Variants in DAB2IP observed in about 807,000 individuals in gnomAD.
DAB2IP encodes the protein disabled homolog 2-interacting protein.
Under a neutral mutation model 107.2 loss-of-function variants are expected in DAB2IP, and 28 were observed. The ratio of observed to expected loss-of-function variants is 0.26; its 90% CI spans 0.19 to 0.36. The LOEUF is 0.36. Among genes scored for constraint, DAB2IP ranks in the 10% least tolerant of loss-of-function variants. DAB2IP has a pLI of 1.00. For missense variants in DAB2IP, 1,400 were observed against 1,644.7 expected, an observed-to-expected ratio of 0.85 and a Z score of 2.57; for synonymous variants, 755 against 706.4, an observed-to-expected ratio of 1.07 and a Z score of -1.09.
At chr9:121,658,532 C>T (rs951072367) in intron 1 of DAB2IP, among the ~76,000 whole-genome samples, 5 of 152,092 alleles carry the variant, frequency 3.3e-5, no homozygotes, top group Non-Finnish European at 5.9e-5. Context: ...GGCATTTCAG[C>T]GTTTGTTCAA....
intron 1 of DAB2IP, among the ~76,000 whole-genome samples, chr9:121,655,200 C>T (rs940355934): frequency 6.6e-6 from 1 of 152,092 alleles, no homozygotes; most frequent in Non-Finnish European, 1.5e-5. Context: ...TGCATTTTCC[C>T]ACTGTGTCCC....
rs1230883967 is a variant in DAB2IP, at chr9:121,600,950, T to C, written c.40+33722T>C. On this transcript the variant is annotated intron_variant, in intron 1 of 16. Coordinates refer to the DAB2IP transcript ENST00000259371. ...CTCTTGCTGTCTGAGAGAGCCAGCA[T>C]CCTTGTGCCTCAGTTTCCTCTCCCC... 4.6e-5 allele frequency among the ~76,000 whole-genome samples: 7 copies of C among 152,174 alleles called. No homozygotes were observed. In the East Asian group the frequency reaches 1.4e-3, roughly 29 times the overall value.
rs1338550411 is a variant in DAB2IP, at chr9:121,599,117, C to T, written c.40+31889C>T. 6.6e-6 allele frequency among the ~76,000 whole-genome samples: 1 copy of T among 152,170 alleles called. No homozygotes were observed. The highest frequency in any genetic ancestry group is 6.5e-5 in the Admixed American group (1 of 15,280). On this transcript the variant is annotated intron_variant, in intron 1 of 16. Coordinates refer to the DAB2IP transcript ENST00000259371. This position sits in a 1 kb window ranked among gnomAD's most constrained non-coding sequence, Gnocchi z 6.9. ...GGGCGCACATAAAAGTTTAAGGGGT[C>T]AGCGGATGCGGGAAGATTCTAGCGG... is the stretch of plus-strand genomic sequence containing the variant.
At chr9:121,629,666 C>T (rs1831801126) in intron 1 of DAB2IP, among the ~76,000 whole-genome samples, 1 of 152,250 alleles carries the variant, frequency 6.6e-6, no homozygotes, top group African/African-American at 2.4e-5. Context: ...GGGAGTCATT[C>T]CCTGGAGGCT....
At chr9:121,694,124 G>C (rs1375901632) in intron 2 of DAB2IP, among the ~76,000 whole-genome samples, 1 of 152,132 alleles carries the variant, frequency 6.6e-6, no homozygotes, top group Non-Finnish European at 1.5e-5. Context: ...TCCCGCCTTG[G>C]CTTTGGTCCT....
chr9:121,770,748 G>A, intron 11 of DAB2IP, 24 bp downstream of exon 11: 1 of 1,611,176 alleles, frequency 6.2e-7, no homozygotes. Context: ...GCCATGTTGG[G>A]TGTGGTGGGT....
chr9:121,642,034 T>C lies in DAB2IP; in HGVS notation c.41-36644T>C, dbSNP rs1263386673. 9.5e-3 allele frequency among the ~76,000 whole-genome samples: 212 copies of C among 22,200 alleles called. 2 individuals are homozygous for C. Among genetic ancestry groups the C allele is most frequent in the African/African-American group, 0.036 (202 of 5,606 alleles). The allele number at this position is 22,200 out of a possible 152,430, so 14.6% of individuals were successfully genotyped here. A position where few individuals can be genotyped will look rare whatever the true frequency, so the allele number is the denominator to read the frequency against. ...CTCTCTCTCTCTCTCTCTCTCTCTTTCTTTCTTTCTTTCTTTCTTTCTTTC... is the reference window on the plus strand; with the variant it reads ...CTCTCTCTCTCTCTCTCTCTCTCTTCCTTTCTTTCTTTCTTTCTTTCTTTC... On this transcript the variant is annotated intron_variant, in intron 1 of 16. Coordinates refer to the DAB2IP transcript ENST00000259371.
At chr9:121,641,768 C>A (rs1832292760) in intron 1 of DAB2IP, among the ~76,000 whole-genome samples, 1 of 71,544 alleles carries the variant, frequency 1.4e-5, no homozygotes, top group South Asian at 8.2e-4. Flanking sequence ...CACAGCCAGC[C>A]TGCCTGCCTG....
intron 1 of DAB2IP, among the ~76,000 whole-genome samples, chr9:121,624,695 G>A (rs1808181033): frequency 6.6e-6 from 1 of 152,200 alleles, no homozygotes; most frequent in African/African-American, 2.4e-5. Flanking sequence ...TAGGCGTGCA[G>A]TAGGCTACAC....
At chr9:121,660,004 G>A (rs530262654) in intron 1 of DAB2IP, among the ~76,000 whole-genome samples, 89 of 151,994 alleles carry the variant, frequency 5.9e-4, no homozygotes, top group African/African-American at 2.1e-3. Flanking sequence ...CCCCGCCCTC[G>A]GGAGCTCAGA....
chr9:121,770,425 A>G, intron 10 of DAB2IP, 121 bp from the exon 11 acceptor site: 1 of 1,090,530 alleles, frequency 9.2e-7, no homozygotes, highest in Non-Finnish European at 1.3e-6. Flanking sequence ...GACTGGCAGC[A>G]GGTGGGGATC....
At chr9:121,759,088 G>T in intron 5 of DAB2IP, 92 bp downstream of exon 5, 1 of 1,322,862 alleles carries the variant, frequency 7.6e-7, no homozygotes, top group African/African-American at 1.4e-5. Flanking sequence ...GGTGTGGGCT[G>T]GGATTGGGGG....
intron 10 of DAB2IP, among the ~76,000 whole-genome samples, chr9:121,770,133 G>C (rs1259896996): frequency 1.3e-5 from 2 of 152,224 alleles, no homozygotes; most frequent in African/African-American, 4.8e-5. Flanking sequence ...CAGGTGCCAA[G>C]GTGGGTCAGG....
intron 1 of DAB2IP, among the ~76,000 whole-genome samples, chr9:121,621,035 G>T (rs376213257): frequency 2.6e-5 from 4 of 152,140 alleles, no homozygotes; most frequent in Non-Finnish European, 1.5e-5. Flanking sequence ...GGGGAAGACC[G>T]CACTGGCCAG....
At chr9:121,688,176 C>G (rs1053793751) in intron 2 of DAB2IP, among the ~76,000 whole-genome samples, 10 of 152,160 alleles carry the variant, frequency 6.6e-5, no homozygotes, top group Non-Finnish European at 1.3e-4. Context: ...CTTCATTTTC[C>G]CACCTCCTCA....
rs1362528499 is a variant in DAB2IP, at chr9:121,776,849, C to T, written c.3314+458C>T. Among the ~76,000 whole-genome samples, 1 of 151,686 alleles carries T rather than the reference C, an allele frequency of 6.6e-6. No individual in the cohort carries two copies. The highest frequency in any genetic ancestry group is 1.5e-5 in the Non-Finnish European group (1 of 67,932). Reference sequence around the variant, plus strand: ...CCTACCAAGAGTGTCTGGGTGTGGGCGTATCAGGGTACCAGTTACTGAGCT... The same window carrying T: ...CCTACCAAGAGTGTCTGGGTGTGGGTGTATCAGGGTACCAGTTACTGAGCT... On this transcript the variant is annotated intron_variant, in intron 14 of 15. Coordinates refer to ENST00000408936, the Ensembl canonical transcript of DAB2IP. This position sits in a 1 kb window ranked among gnomAD's most constrained non-coding sequence, Gnocchi z 5.4.
At chr9:121,637,522 A>G (rs936571346) in intron 1 of DAB2IP, among the ~76,000 whole-genome samples, 1 of 152,194 alleles carries the variant, frequency 6.6e-6, no homozygotes, top group South Asian at 2.1e-4. Context: ...ACTGGCCACT[A>G]GAGCTCCAGT....
At chr9:121,687,480 G>A (rs1279945957) in intron 2 of DAB2IP, among the ~76,000 whole-genome samples, 2 of 152,204 alleles carry the variant, frequency 1.3e-5, no homozygotes, top group Admixed American at 6.5e-5. Context: ...ATGGGTTATA[G>A]GCACCTGTTC....
chr9:121,696,386 C>T lies in DAB2IP; in HGVS notation c.229-2939C>T, dbSNP rs183876257. 6.6e-3 allele frequency among the ~76,000 whole-genome samples: 1,011 copies of T among 152,272 alleles called. 9 individuals carry two copies. The highest frequency in any genetic ancestry group is 0.023 in the African/African-American group (974 of 41,532). On this transcript the variant is annotated intron_variant, in intron 2 of 15. Coordinates refer to ENST00000408936, the Ensembl canonical transcript of DAB2IP. ...TGACTGAATGATTTGCCCACTGCCC[C>T]TCAATTAAAGGTTGTCTTGGGTCTA...
Sources: allele counts gnomAD v4.1 joint callset (sites outside exome capture counted in the v4.1 genomes callset), GRCh38; gene constraint gnomAD v4.1.1; non-coding constraint Gnocchi (gnomAD v3.1); transcripts MANE v1.5; gene names NCBI Gene and HGNC (gene_info 2026-07-23, HGNC 2026-07-21).